TRAK1: variants seen among roughly 807,000 people sequenced by gnomAD.
TRAK1 encodes trafficking kinesin-binding protein 1.
TRAK1 carries 33 observed loss-of-function variants against 92.1 expected under a neutral mutation model. That is an observed-to-expected ratio of 0.36 (90% CI 0.27 to 0.48). TRAK1 has a LOEUF of 0.48. Among genes scored for constraint, TRAK1 ranks in the 20% least tolerant of loss-of-function variants. The probability of loss-of-function intolerance (pLI) is 0.99; values close to 1 mark genes in which losing one functional copy is unlikely to be tolerated. For missense variants in TRAK1, 1,123 were observed against 1,257.9 expected, an observed-to-expected ratio of 0.89 and a Z score of 1.62; for synonymous variants, 521 against 517.3, an observed-to-expected ratio of 1.01 and a Z score of -0.10.
chr3:42,078,011 C>T (rs779163372), intron 1 of TRAK1, among the ~76,000 whole-genome samples: 1 of 152,206 alleles, frequency 6.6e-6, no homozygotes, highest in Non-Finnish European at 1.5e-5. Flanking sequence ...GGTGGCACCA[C>T]GTTTTGTAGA....
At chr3:42,037,420 G>A (rs1021182792) in intron 1 of TRAK1, among the ~76,000 whole-genome samples, 4 of 152,202 alleles carry the variant, frequency 2.6e-5, no homozygotes, top group Non-Finnish European at 5.9e-5. Context: ...TCCTGCAGAT[G>A]TTCAGGACCT....
At chr3:42,053,293 G>C (rs1330971883) in intron 1 of TRAK1, among the ~76,000 whole-genome samples, 2 of 138,796 alleles carry the variant, frequency 1.4e-5, no homozygotes, top group African/African-American at 5.2e-5. Flanking sequence ...AGAAAAGGTG[G>C]ATAATGGACC....
chr3:42,144,581 T>C lies in TRAK1; in HGVS notation c.286+18967T>C, dbSNP rs565521368. 1.1e-4 allele frequency among the ~76,000 whole-genome samples: 16 copies of C among 152,294 alleles called. 1 individual carries two copies. In the South Asian group the frequency reaches 2.7e-3, roughly 26 times the overall value. On this transcript the variant is annotated intron_variant, in intron 2 of 15. Coordinates refer to ENST00000327628, the MANE Select transcript of TRAK1 (RefSeq NM_001042646.3). ...TGGTAATGGGGTAGGAATAAAATGTTAAAAAAATTCATAGTGCTGTAAGGT... is the reference window on the plus strand; with the variant it reads ...TGGTAATGGGGTAGGAATAAAATGTCAAAAAAATTCATAGTGCTGTAAGGT...
chr3:42,014,717 C>T (rs1028925351), intron 1 of TRAK1, among the ~76,000 whole-genome samples: 3 of 152,148 alleles, frequency 2.0e-5, no homozygotes. Flanking sequence ...TTAAGCTTGC[C>T]TGTTTTAGAA....
chr3:42,189,596 G>A (rs1485043493), intron 6 of TRAK1, among the ~76,000 whole-genome samples: 7 of 152,056 alleles, frequency 4.6e-5, no homozygotes, highest in East Asian at 1.9e-4. Context: ...GCAGTGGTGC[G>A]ATCTTGGCTC....
At chr3:42,069,530 A>C (rs941033335) in intron 1 of TRAK1, among the ~76,000 whole-genome samples, 1 of 152,008 alleles carries the variant, frequency 6.6e-6, no homozygotes, top group African/African-American at 2.4e-5. Context: ...AATATTCTTT[A>C]ATTATATTTT....
chr3:42,024,775 TTGAAA>T (rs547896621), intron 1 of TRAK1, among the ~76,000 whole-genome samples: 93 of 152,366 alleles, frequency 6.1e-4, no homozygotes, highest in African/African-American at 1.8e-3. Flanking sequence ...AGCCTGAGTT[TTGAAA>T]TGTGGCGTTC....
At chr3:42,123,829 T>G (rs1710226784) in intron 1 of TRAK1, among the ~76,000 whole-genome samples, 1 of 152,158 alleles carries the variant, frequency 6.6e-6, no homozygotes, top group Admixed American at 6.5e-5. Flanking sequence ...AGCGAGAACT[T>G]GGTACTGTGA....
chr3:42,149,108 A>T, intron 2 of TRAK1: 1 of 855,172 alleles, frequency 1.2e-6, no homozygotes, highest in South Asian at 5.3e-5. Flanking sequence ...GCCAGTTTCT[A>T]TGGCAACGGT....
chr3:42,179,923 G>T (rs552986107), intron 3 of TRAK1, among the ~76,000 whole-genome samples: 6 of 151,982 alleles, frequency 3.9e-5, no homozygotes, highest in Admixed American at 2.6e-4. Flanking sequence ...GGTAGGGATG[G>T]TGTCTCACTA....
intron 12 of TRAK1, among the ~76,000 whole-genome samples, chr3:42,201,685 T>A (rs1169272133): frequency 6.6e-6 from 1 of 151,772 alleles, no homozygotes; most frequent in African/African-American, 2.4e-5. Flanking sequence ...TTTGTGACCG[T>A]TTTGTAGCTT....
chr3:42,020,633 T>TCC (rs1701689141), intron 1 of TRAK1, among the ~76,000 whole-genome samples: 3 of 152,240 alleles, frequency 2.0e-5, no homozygotes, highest in Non-Finnish European at 4.4e-5. Context: ...CTCATTTCTA[T>TCC]CGGGTATATG....
intron 1 of TRAK1, among the ~76,000 whole-genome samples, chr3:42,120,782 G>A (rs1709748878): frequency 6.6e-6 from 1 of 152,118 alleles, no homozygotes; most frequent in Non-Finnish European, 1.5e-5. Flanking sequence ...TCTTGACCTC[G>A]TGTTCCGCCC....
intron 12 of TRAK1, among the ~76,000 whole-genome samples, chr3:42,201,952 C>T (rs1048864338): frequency 1.3e-5 from 2 of 150,998 alleles, no homozygotes; most frequent in African/African-American, 2.4e-5. Context: ...TTTGTGCATC[C>T]TTTTCCTCTG....
intron 1 of TRAK1, among the ~76,000 whole-genome samples, chr3:42,104,856 G>A (rs992554272): frequency 2.6e-5 from 4 of 151,978 alleles, no homozygotes; most frequent in African/African-American, 7.2e-5. Flanking sequence ...TGACTTTGAC[G>A]AGTTGAGAGA....
At chr3:42,114,752 G>T (rs551021246) in intron 1 of TRAK1, among the ~76,000 whole-genome samples, 5 of 151,338 alleles carry the variant, frequency 3.3e-5, no homozygotes, top group African/African-American at 1.2e-4. Flanking sequence ...TCCCTCTGTT[G>T]CCCAGGCTGG....
At chr3:42,099,581 CT>C (rs1262824494) in intron 1 of TRAK1, among the ~76,000 whole-genome samples, 1 of 152,212 alleles carries the variant, frequency 6.6e-6, no homozygotes, top group African/African-American at 2.4e-5. Context: ...GCAGGGGCCC[CT>C]CCTTCAAACC....
chr3:42,207,218 C>T (rs1053658581), intron 13 of TRAK1, among the ~76,000 whole-genome samples: 1 of 152,194 alleles, frequency 6.6e-6, no homozygotes, highest in Non-Finnish European at 1.5e-5. Context: ...TAAGACTTCT[C>T]GTGGTGCTAT....
chr3:42,195,024 G>A, intron 10 of TRAK1, 83 bp downstream of exon 10: 1 of 1,537,266 alleles, frequency 6.5e-7, no homozygotes, highest in Non-Finnish European at 8.8e-7. Flanking sequence ...GGCCACTGGA[G>A]TTGGGTGTTC....
Sources: allele counts gnomAD v4.1 joint callset (sites outside exome capture counted in the v4.1 genomes callset), GRCh38; gene constraint gnomAD v4.1.1; transcripts MANE v1.5; gene names NCBI Gene and HGNC (gene_info 2026-07-23, HGNC 2026-07-21).